Variants in RIMS1 observed in about 807,000 individuals in gnomAD.
RIMS1 encodes regulating synaptic membrane exocytosis 1.
RIMS1 carries 83 observed loss-of-function variants against 214.1 expected under a neutral mutation model. The observed-to-expected ratio is 0.39, with a 90% CI of 0.32 to 0.47. RIMS1 has a LOEUF of 0.47. Ranked by LOEUF, RIMS1 falls within the 20% of genes least tolerant of loss-of-function variation. RIMS1 has a pLI of 0.99. For missense variants in RIMS1, 2,050 were observed against 2,161.8 expected, an observed-to-expected ratio of 0.95 and a Z score of 1.03; for synonymous variants, 793 against 786.8, an observed-to-expected ratio of 1.01 and a Z score of -0.13.
chr6:71,936,321 C>G (rs1401239827), intron 1 of RIMS1, among the ~76,000 whole-genome samples: 12 of 90,376 alleles, frequency 1.3e-4, no homozygotes, highest in Admixed American at 4.5e-4. Flanking sequence ...AGCGAGACTC[C>G]GTCTCAAAAA....
At chr6:72,301,444 C>A (rs2094592375) in intron 26 of RIMS1, among the ~76,000 whole-genome samples, 1 of 151,598 alleles carries the variant, frequency 6.6e-6, no homozygotes, top group Admixed American at 6.6e-5. Context: ...GCAGTTGGCC[C>A]ACAGTATCCA....
At chr6:72,258,415 A>T (rs1002136443) in intron 17 of RIMS1, 134 bp downstream of exon 17, 66 of 955,764 alleles carry the variant, frequency 6.9e-5, no homozygotes, top group Admixed American at 5.2e-4. Flanking sequence ...TGTAGGCAAA[A>T]TTTTTTTTAT....
chr6:72,374,337 A>G lies in RIMS1; in HGVS notation c.4367-16261A>G, dbSNP rs144826919. On this transcript the variant is annotated intron_variant, in intron 29 of 33. Transcript: ENST00000521978. ...AACTATGTTTTGTTATTTAGTACCT[A>G]TTCTAACCACAGTCAGTGGAAAAGC... 2.5e-3 allele frequency among the ~76,000 whole-genome samples: 384 copies of G among 152,320 alleles called. 1 individual carries two copies. The highest frequency in any genetic ancestry group is 8.5e-3 in the African/African-American group (354 of 41,572).
chr6:71,967,014 G>A lies in RIMS1; in HGVS notation c.165-1969G>A, dbSNP rs578239955. On this transcript the variant is annotated intron_variant, in intron 1 of 33. Coordinates refer to ENST00000521978, the MANE Select transcript of RIMS1 (RefSeq NM_014989.7). ...GAGGGGAAAAAAAGAGATGAATTAA[G>A]ATTTCTCATAGATTTAATTCTTTAG... Among the ~76,000 whole-genome samples, 10 of 152,302 alleles carry A rather than the reference G, an allele frequency of 6.6e-5. No homozygotes were observed. In the East Asian group the frequency reaches 1.9e-3, roughly 29 times the overall value.
At chr6:72,361,013 T>C (rs1034871236) in intron 29 of RIMS1, among the ~76,000 whole-genome samples, 5 of 148,784 alleles carry the variant, frequency 3.4e-5, no homozygotes, top group Non-Finnish European at 5.9e-5. Context: ...GATCTTCTTA[T>C]AAATAAAAGA....
chr6:72,225,009 C>G (rs185424201), intron 6 of RIMS1, among the ~76,000 whole-genome samples: 259 of 152,306 alleles, frequency 1.7e-3, no homozygotes, highest in Non-Finnish European at 2.4e-3. Flanking sequence ...TGATTTTCCA[C>G]TGCCAGTCAA....
At chr6:72,027,441 C>T (rs1399409571) in intron 2 of RIMS1, among the ~76,000 whole-genome samples, 1 of 152,136 alleles carries the variant, frequency 6.6e-6, no homozygotes, top group Non-Finnish European at 1.5e-5. Context: ...ATAACAGGTA[C>T]TTCTTGGGAA....
At chr6:72,276,400 T>C (rs1755154600) in intron 23 of RIMS1, among the ~76,000 whole-genome samples, 3 of 152,154 alleles carry the variant, frequency 2.0e-5, no homozygotes, top group Non-Finnish European at 4.4e-5. Flanking sequence ...AAAATGGAAA[T>C]TCAAATAATA....
At chr6:72,261,754 T>C in intron 19 of RIMS1, 1 of 985,322 alleles carries the variant, frequency 1.0e-6, no homozygotes, top group South Asian at 4.7e-5. Flanking sequence ...CAAACAAAAT[T>C]GGGCTAATAA....
chr6:72,184,763 G>GAA (rs397967233), intron 6 of RIMS1, among the ~76,000 whole-genome samples: 1,948 of 137,288 alleles, frequency 0.014, 12 homozygotes, highest in Non-Finnish European at 0.019. Flanking sequence ...TTTATTCTGG[G>GAA]AAAAAAAAAA....
At chr6:71,970,900 A>C (rs1009116029) in intron 2 of RIMS1, among the ~76,000 whole-genome samples, 4 of 152,200 alleles carry the variant, frequency 2.6e-5, no homozygotes, top group Admixed American at 1.3e-4. Flanking sequence ...GACAAAAATA[A>C]ATTGGGAGGG....
chr6:72,187,074 C>T (rs562970308), intron 6 of RIMS1, among the ~76,000 whole-genome samples: 5 of 151,958 alleles, frequency 3.3e-5, no homozygotes, highest in African/African-American at 9.7e-5. Context: ...TGCGGTGAGC[C>T]GAGATTGTGC....
At chr6:72,199,310 C>G (rs574488504) in intron 6 of RIMS1, among the ~76,000 whole-genome samples, 121 of 152,222 alleles carry the variant, frequency 7.9e-4, no homozygotes, top group African/African-American at 2.9e-3. Context: ...GTAACTGATA[C>G]AGCCAATTGG....
intron 24 of RIMS1, among the ~76,000 whole-genome samples, chr6:72,288,130 A>C (rs1264586124): frequency 6.6e-6 from 1 of 152,182 alleles, no homozygotes; most frequent in African/African-American, 2.4e-5. Context: ...AAAAGAGAGC[A>C]AGCATTGGAG....
At chr6:72,382,486 A>C (rs376244847) in intron 29 of RIMS1, among the ~76,000 whole-genome samples, 1 of 152,222 alleles carries the variant, frequency 6.6e-6, no homozygotes, top group African/African-American at 2.4e-5. Flanking sequence ...CAATATTACT[A>C]TATTATATTG....
intron 4 of RIMS1, among the ~76,000 whole-genome samples, chr6:72,162,036 G>C (rs751472089): frequency 7.1e-6 from 1 of 140,398 alleles, no homozygotes; most frequent in Non-Finnish European, 1.6e-5. Flanking sequence ...CTCTTTGTAG[G>C]TGTCTAAGGA....
chr6:72,250,179 C>A, intron 12 of RIMS1, 151 bp from the exon 13 acceptor site: 1 of 698,122 alleles, frequency 1.4e-6, no homozygotes, highest in South Asian at 2.1e-5. Context: ...TGTGTTTATG[C>A]TTTCAAATTG....
At chr6:71,921,274 C>T (rs1779894141) in intron 1 of RIMS1, among the ~76,000 whole-genome samples, 1 of 152,164 alleles carries the variant, frequency 6.6e-6, no homozygotes, top group Admixed American at 6.6e-5. Flanking sequence ...GCACCCGCCA[C>T]CATGCCCAGC....
intron 1 of RIMS1, among the ~76,000 whole-genome samples, chr6:71,967,224 T>TAA (rs1794700529): frequency 1.3e-5 from 2 of 151,972 alleles, no homozygotes; most frequent in Admixed American, 6.6e-5. Context: ...CCGTCTCTAC[T>TAA]AAAAATACAA....
Sources: allele counts gnomAD v4.1 joint callset (sites outside exome capture counted in the v4.1 genomes callset), GRCh38; gene constraint gnomAD v4.1.1; transcripts MANE v1.5; gene names NCBI Gene and HGNC (gene_info 2026-07-23, HGNC 2026-07-21).